Variants in ZFP69 observed in about 807,000 individuals in gnomAD.
ZFP69 encodes the protein zinc finger protein 69 homolog.
A neutral mutation model predicts 48.9 loss-of-function variants in ZFP69; 35 were observed. The observed-to-expected ratio is 0.72, with a 90% CI of 0.55 to 0.95. The LOEUF is 0.95. Among genes scored for constraint, ZFP69 ranks in the 40% least tolerant of loss-of-function variants. The pLI, the probability that ZFP69 is intolerant of heterozygous loss-of-function variation, is 0.00. For synonymous variants in ZFP69, 193 were observed against 216.8 expected, an observed-to-expected ratio of 0.89 and a Z score of 0.96; for missense variants, 557 against 638.4, an observed-to-expected ratio of 0.87 and a Z score of 1.37.
Position 40,488,093 on chromosome 1 carries a change from G to A in ZFP69, c.220-995G>A, listed in dbSNP as rs575596243. Among the ~76,000 whole-genome samples, 5 of 151,782 alleles carry A rather than the reference G, an allele frequency of 3.3e-5. No homozygotes were observed. The East Asian group carries it at 9.7e-4, about 29-fold the overall frequency. Reference sequence around the variant, plus strand: ...AAGCCGGGCACGGTGTCTCATGCCTGTAATGCGAACACTTTGAGGGGCCAA... The same window carrying A: ...AAGCCGGGCACGGTGTCTCATGCCTATAATGCGAACACTTTGAGGGGCCAA... On this transcript the variant is annotated intron_variant, in intron 3 of 5. Coordinates refer to ENST00000372706, the MANE Select transcript of ZFP69 (RefSeq NM_001320179.2).
Position 40,495,773 on chromosome 1 carries a change from T to C in ZFP69, c.1295T>C (p.Ile432Thr). The C allele has an allele frequency of 6.2e-7, 1 of 1,614,136 alleles. No homozygotes were observed. The highest frequency in any genetic ancestry group is 1.1e-5 in the South Asian group (1 of 91,088). ...GCGTATCTAACACATCACCAGAGAA[T>C]CCATACTGGGGAGAGACCCTACAAA... ...HRAYLTHHQR[I>T]HTGERPYKCK... Residue 432 changes from isoleucine to threonine, a missense_variant, in exon 6 of 6, where the codon ATC becomes ACC. Transcript: ENST00000372706.
chr1:40,478,052 A>T lies in ZFP69; in HGVS notation c.-327+158A>T, dbSNP rs1261930866. 4.0e-5 allele frequency among the ~76,000 whole-genome samples: 6 copies of T among 151,740 alleles called. No individual in the cohort carries two copies. In the East Asian group the frequency reaches 1.2e-3, roughly 29 times the overall value. On this transcript the variant is annotated intron_variant, in intron 1 of 5. Coordinates refer to ENST00000372706, the MANE Select transcript of ZFP69 (RefSeq NM_001320179.2). ...ACTTTGGTAACAAGACTTTTTATGT[A>T]TTCAGGGGTGGGATATTTCTCACAA...
Position 40,479,075 on chromosome 1 carries a change from TC to T in ZFP69, c.-284del. The T allele has an allele frequency of 3.5e-6, 1 of 282,010 alleles. No individual in the cohort carries two copies. Among genetic ancestry groups the T allele is most frequent in the South Asian group, 4.1e-5 (1 of 24,252 alleles). 17.5% of individuals were successfully genotyped at this position (282,010 alleles called of 1,614,324 possible). A position where few individuals can be genotyped will look rare whatever the true frequency, so the allele number is the denominator to read the frequency against. Reference sequence around the variant, plus strand: ...GAGACAAGTGCTTCTGGATCCCTCTTCCCTTCCCTTTTGCTCCTCTAAAGAG... The same window carrying T: ...GAGACAAGTGCTTCTGGATCCCTCTTCCTTCCCTTTTGCTCCTCTAAAGAG... On this transcript the variant is annotated 5_prime_UTR_variant, in exon 2 of 6. Transcript: ENST00000372706.
chr1:40,479,654 G>C (rs55927423), intron 2 of ZFP69, among the ~76,000 whole-genome samples, 166 bp downstream of exon 2: 9,060 of 152,226 alleles, frequency 0.06, 380 homozygotes, highest in African/African-American at 0.11. Context: ...TTGGGGTCCA[G>C]CATGGACTCC....
At chr1:40,482,391 C>G (rs1645451208) in intron 3 of ZFP69, among the ~76,000 whole-genome samples, 1 of 152,076 alleles carries the variant, frequency 6.6e-6, no homozygotes, top group African/African-American at 2.4e-5. Context: ...AGAGTAGCCA[C>G]TGAGAGCAGC....
At chr1:40,487,952 C>G (rs988620125) in intron 3 of ZFP69, among the ~76,000 whole-genome samples, 4 of 150,514 alleles carry the variant, frequency 2.7e-5, no homozygotes, top group African/African-American at 7.4e-5. Context: ...GAGGCTGAGG[C>G]AGGAGAATCA....
rs1221109848 is a variant in ZFP69, at chr1:40,477,669, C to T, written c.-552C>T. On this transcript the variant is annotated 5_prime_UTR_variant, in exon 1 of 6. Transcript: ENST00000372706. This position sits in a 1 kb window ranked among gnomAD's most constrained non-coding sequence, Gnocchi z 4.0. ...GCAGACCCTCGTCCACTCCGGAGGCCGAGGGTCCTCCGGGCTTCCGAAGGA... is the reference window on the plus strand; with the variant it reads ...GCAGACCCTCGTCCACTCCGGAGGCTGAGGGTCCTCCGGGCTTCCGAAGGA... The T allele has an allele frequency of 1.3e-5, 2 of 152,106 alleles. No individual in the cohort carries two copies. The highest frequency in any genetic ancestry group is 2.9e-5 in the Non-Finnish European group (2 of 68,004). The allele number at this position is 152,106 out of a possible 1,614,324, so 9.4% of individuals were successfully genotyped here.
rs1645399752 is a variant in ZFP69 at position 40,477,438 on chromosome 1, G to C, written c.-783G>C. On this transcript the variant is annotated 5_prime_UTR_variant, in exon 1 of 6. Transcript: ENST00000372706. This position sits in a 1 kb window ranked among gnomAD's most constrained non-coding sequence, Gnocchi z 4.0. The stretch of plus-strand genomic sequence containing the variant: ...AGGCAGAGGCCAGGCGAGACACCCG[G>C]CTGCGGCCTAAGAGGCCAGGCTGGG... The C allele has an allele frequency of 2.0e-5, 3 of 152,194 alleles. No homozygotes were observed. Among genetic ancestry groups the C allele is most frequent in the Admixed American group, 2.0e-4 (3 of 15,284 alleles). 9.4% of individuals were successfully genotyped at this position (152,194 alleles called of 1,614,324 possible).
intron 2 of ZFP69, 74 bp from the exon 3 acceptor site, chr1:40,481,685 TTGAG>T: frequency 1.7e-6 from 2 of 1,146,954 alleles, no homozygotes; most frequent in Non-Finnish European, 2.5e-6. Context: ...AGGAGCCACA[TTGAG>T]TGGGTCTGCA....
At chr1:40,484,652 C>T (rs1422528255) in intron 3 of ZFP69, among the ~76,000 whole-genome samples, 4 of 151,432 alleles carry the variant, frequency 2.6e-5, no homozygotes, top group Admixed American at 2.6e-4. Flanking sequence ...GCAATCTTGG[C>T]TCATTGCAAC....
rs777652219 is a variant in ZFP69, at chr1:40,495,510, G to A, written c.1032G>A (p.Gln344=). 1 of 1,614,092 alleles carries A rather than the reference G, an allele frequency of 6.2e-7. No individual in the cohort carries two copies. Among genetic ancestry groups the A allele is most frequent in the Non-Finnish European group, 8.5e-7 (1 of 1,180,012 alleles). The part of the protein sequence containing the change: ...KAFRHRSSLN[Q]HHRTHTGEKP... Reference sequence around the variant, plus strand: ...TCAGACATCGCTCATCACTTAATCAGCATCATAGAACTCACACTGGGGAGA... The same window carrying A: ...TCAGACATCGCTCATCACTTAATCAACATCATAGAACTCACACTGGGGAGA... The change falls in exon 6 of 6, where the codon CAG becomes CAA. Residue 344 remains glutamine, a synonymous_variant. Transcript: ENST00000372706.
intron 5 of ZFP69, among the ~76,000 whole-genome samples, chr1:40,491,528 T>C (rs764183264): frequency 1.3e-5 from 2 of 152,222 alleles, no homozygotes; most frequent in African/African-American, 2.4e-5. Flanking sequence ...ACATTTGTTA[T>C]TGTCAAACTT....
Position 40,489,637 on chromosome 1 carries a change from G to A in ZFP69, c.442+13G>A. 1.3e-6 allele frequency: 2 copies of A among 1,578,528 alleles called. No individual in the cohort carries two copies. The highest frequency in any genetic ancestry group is 1.7e-6 in the Non-Finnish European group (2 of 1,160,990). On this transcript the variant is annotated intron_variant, in intron 5 of 5. Transcript: ENST00000372706. ...GATCCCAGTTCAGGTGAGACCAAGT[G>A]TGTTAGTCTGTTTTTGTGTTGCTAT...
intron 5 of ZFP69, 134 bp downstream of exon 5, chr1:40,489,758 C>T: frequency 1.6e-6 from 1 of 611,524 alleles, no homozygotes; most frequent in East Asian, 3.1e-5. Flanking sequence ...CTGGCATCTG[C>T]TCCTGGTGAG....
intron 2 of ZFP69, among the ~76,000 whole-genome samples, chr1:40,481,505 T>C (rs1645443258): frequency 6.6e-6 from 1 of 151,762 alleles, no homozygotes; most frequent in African/African-American, 2.4e-5. Flanking sequence ...GAGGGGGGAG[T>C]GGGATTTAAA....
At chr1:40,487,044 C>T (rs1367243087) in intron 3 of ZFP69, among the ~76,000 whole-genome samples, 2 of 151,810 alleles carry the variant, frequency 1.3e-5, no homozygotes, top group Non-Finnish European at 2.9e-5. Flanking sequence ...TCTGCCTCAG[C>T]CTTCCGAGTA....
chr1:40,487,947 T>C (rs938102193), intron 3 of ZFP69, among the ~76,000 whole-genome samples: 11 of 150,618 alleles, frequency 7.3e-5, no homozygotes, highest in African/African-American at 2.5e-4. Context: ...CCTGGGAGGC[T>C]GAGGCAGGAG....
rs1342000610 is a variant in ZFP69 at position 40,489,287 on chromosome 1, G to A, written c.346+73G>A. ...AGTCATTATTTTAAATTATTGATGT[G>A]TAGATTCCTTGAGGCTTGATTTGGG... On this transcript the variant is annotated intron_variant, in intron 4 of 5. Coordinates refer to ENST00000372706, the MANE Select transcript of ZFP69 (RefSeq NM_001320179.2). The A allele has an allele frequency of 2.6e-6, 4 of 1,554,064 alleles. No homozygotes were observed. The African/African-American group carries it at 5.5e-5, about 21-fold the overall frequency.
intron 2 of ZFP69, among the ~76,000 whole-genome samples, chr1:40,480,971 T>TAA (rs1354911837): frequency 1.3e-5 from 2 of 152,142 alleles, no homozygotes; most frequent in African/African-American, 4.8e-5. Flanking sequence ...TTTACGTTGT[T>TAA]ACAGTTTTTA....
Sources: allele counts gnomAD v4.1 joint callset (sites outside exome capture counted in the v4.1 genomes callset), GRCh38; gene constraint gnomAD v4.1.1; non-coding constraint Gnocchi (gnomAD v3.1); transcripts MANE v1.5; gene names NCBI Gene and HGNC (gene_info 2026-07-23, HGNC 2026-07-21).